Variants in SERTAD2 observed in about 807,000 individuals in gnomAD.
SERTAD2 encodes the protein SERTA domain-containing protein 2.
Under a neutral mutation model 15.4 loss-of-function variants are expected in SERTAD2, and 2 were observed. The observed-to-expected ratio is 0.13, with a 90% confidence interval of 0.05 to 0.41. The LOEUF (loss-of-function observed/expected upper bound fraction) is 0.41, where lower values mean the gene tolerates loss of function less well. SERTAD2 is among the 10% of genes least tolerant of loss of function. The probability of loss-of-function intolerance (pLI) is 0.99; values close to 1 mark genes in which losing one functional copy is unlikely to be tolerated. For synonymous variants in SERTAD2, 180 were observed against 178.0 expected, an observed-to-expected ratio of 1.01 and a Z score of -0.09; for missense variants, 333 against 409.7, an observed-to-expected ratio of 0.81 and a Z score of 1.62.
intron 1 of SERTAD2, among the ~76,000 whole-genome samples, chr2:64,641,979 G>A (rs1048072897): frequency 2.6e-5 from 4 of 152,128 alleles, no homozygotes; most frequent in African/African-American, 4.8e-5. Context: ...ACAAACTTTC[G>A]GGTGATGCTG....
At chr2:64,643,870 AAAAC>A (rs997125200) in intron 1 of SERTAD2, among the ~76,000 whole-genome samples, 6 of 48,966 alleles carry the variant, frequency 1.2e-4, no homozygotes, top group Non-Finnish European at 2.5e-4. Context: ...CGTCTCCAAA[AAAAC>A]AAAACAAAAC....
rs1485719430 is a variant in SERTAD2, at chr2:64,633,822, A to G, written c.*2105T>C. ...TGATCAGTTTCTCACTGCTCTACTG[A>G]GCTGATAATTAGCCTTTAAAACACA... On this transcript the variant is annotated 3_prime_UTR_variant, in exon 2 of 2. Transcript: ENST00000313349. 6.6e-6 allele frequency: 1 copy of G among 152,308 alleles called. No individual in the cohort carries two copies. Among genetic ancestry groups the G allele is most frequent in the Non-Finnish European group, 1.5e-5 (1 of 68,046 alleles). 9.4% of individuals were successfully genotyped at this position (152,308 alleles called of 1,614,324 possible).
rs1674554991 is a variant in SERTAD2 at position 64,632,476 on chromosome 2, C to T, written c.*3451G>A. 1 of 152,544 alleles carries T rather than the reference C, an allele frequency of 6.6e-6. No individual in the cohort carries two copies. Among genetic ancestry groups the T allele is most frequent in the Non-Finnish European group, 1.5e-5 (1 of 68,030 alleles). The allele number at this position is 152,544 out of a possible 1,614,324, so 9.4% of individuals were successfully genotyped here. A position where few individuals can be genotyped will look rare whatever the true frequency, so the allele number is the denominator to read the frequency against. On this transcript the variant is annotated 3_prime_UTR_variant, in exon 2 of 2. Transcript: ENST00000313349. Reference sequence around the variant, plus strand: ...AAAAAGCTCAATTGGTAAAGACACTCGAGAGGTGCAGAGGAGGCTCTGGCC... The same window carrying T: ...AAAAAGCTCAATTGGTAAAGACACTTGAGAGGTGCAGAGGAGGCTCTGGCC...
Position 64,633,121 on chromosome 2 carries a change from G to C in SERTAD2, c.*2806C>G, listed in dbSNP as rs1040371999. ...TGGAGATCCCACTCCAGCTCCTACT[G>C]TTCCCTGTTGGGACATCACTTTGTA... On this transcript the variant is annotated 3_prime_UTR_variant, in exon 2 of 2. Transcript: ENST00000313349. 2.0e-5 allele frequency: 3 copies of C among 152,308 alleles called. No individual in the cohort carries two copies. Among genetic ancestry groups the C allele is most frequent in the Non-Finnish European group, 4.4e-5 (3 of 68,046 alleles). The allele number at this position is 152,308 out of a possible 1,614,324, so 9.4% of individuals were successfully genotyped here. A position where few individuals can be genotyped will look rare whatever the true frequency, so the allele number is the denominator to read the frequency against.
At chr2:64,653,403 C>T (rs1426599631) in intron 1 of SERTAD2, among the ~76,000 whole-genome samples, 1 of 151,824 alleles carries the variant, frequency 6.6e-6, no homozygotes, top group African/African-American at 2.4e-5. Flanking sequence ...CCCGCAGGCG[C>T]CGGGGGTCCG....
At chr2:64,648,545 T>C (rs1169526784) in intron 1 of SERTAD2, among the ~76,000 whole-genome samples, 1 of 152,190 alleles carries the variant, frequency 6.6e-6, no homozygotes, top group East Asian at 1.9e-4. Context: ...TTAAATACAA[T>C]AAAAATAATC....
Position 64,635,987 on chromosome 2 carries a change from C to A in SERTAD2, c.885G>T (p.Gln295His). 1 of 1,614,120 alleles carries A rather than the reference C, an allele frequency of 6.2e-7. No homozygotes were observed. The highest frequency in any genetic ancestry group is 8.5e-7 in the Non-Finnish European group (1 of 1,180,014). ...PYSSQPVTPS[Q>H]PFKMDLTELD... The stretch of plus-strand genomic sequence containing the variant: ...GCTCTGTGAGGTCCATTTTGAAAGG[C>A]TGACTTGGGGTGACAGGCTGACTGC... The change falls in exon 2 of 2, where the codon CAG (glutamine) becomes CAT (histidine). Residue 295 changes from glutamine to histidine, a missense_variant. This residue lies in a region of SERTAD2 where 332 missense variants were observed against 392.9 expected (regional missense o/e 0.84). Transcript: ENST00000313349.
Position 64,636,671 on chromosome 2 carries a change from G to A in SERTAD2, c.201C>T (p.Asn67=). The A allele has an allele frequency of 6.2e-7, 1 of 1,614,168 alleles. No individual in the cohort carries two copies. Among genetic ancestry groups the A allele is most frequent in the Non-Finnish European group, 8.5e-7 (1 of 1,180,022 alleles). Reference sequence around the variant, plus strand: ...GTTCCTCCTGGATCCGCCTCAACATGTTGTTAATTAAAACGGTCTTTTGCA... The same window carrying A: ...GTTCCTCCTGGATCCGCCTCAACATATTGTTAATTAAAACGGTCTTTTGCA... The part of the protein sequence containing the change: ...PSLQKTVLIN[N]MLRRIQEELK... Residue 67 remains asparagine, a synonymous_variant, in exon 2 of 2, where the codon AAC becomes AAT. Coordinates refer to ENST00000313349, the MANE Select transcript of SERTAD2 (RefSeq NM_014755.3).
chr2:64,636,485 G>C lies in SERTAD2; in HGVS notation c.387C>G (p.Cys129Trp), dbSNP rs1288456148. 1 of 1,613,518 alleles carries C rather than the reference G, an allele frequency of 6.2e-7. No individual in the cohort carries two copies. Among genetic ancestry groups the C allele is most frequent in the African/African-American group, 1.3e-5 (1 of 74,908 alleles). ...DLGSTTPLEACLTPASLLEDD... is the reference protein window; with the variant it reads ...DLGSTTPLEAWLTPASLLEDD... ...CCTCGAGCAGTGAGGCCGGGGTGAG[G>C]CAGGCCTCCAGGGGCGTAGTGCTTC... Residue 129 changes from cysteine to tryptophan, a missense_variant, in exon 2 of 2, where the codon TGC (cysteine) becomes TGG (tryptophan). Around this residue, in one of 2 missense-constraint regions of SERTAD2, gnomAD observed 332 missense variants for 392.9 expected, o/e 0.84. Transcript: ENST00000313349.
In SERTAD2 at chr2:64,636,818, T is replaced by C. The variant is rs1674672596; in HGVS notation, c.54A>G (p.Glu18=). 1 of 1,614,190 alleles carries C rather than the reference T, an allele frequency of 6.2e-7. No individual in the cohort carries two copies. Among genetic ancestry groups the C allele is most frequent in the African/African-American group, 1.3e-5 (1 of 75,044 alleles). Residue 18 remains glutamate (E), a synonymous_variant, in exon 2 of 2, where the codon GAA becomes GAG. Transcript: ENST00000313349. ...CGTCACAGGGAGACACGATTTTGCCTTCCAGCCCATCTTCATGCTCATCAA... is the reference window on the plus strand; with the variant it reads ...CGTCACAGGGAGACACGATTTTGCCCTCCAGCCCATCTTCATGCTCATCAA... ...RKFDEHEDGL[E]GKIVSPCDGP...
chr2:64,643,810 G>C (rs918570574), intron 1 of SERTAD2, among the ~76,000 whole-genome samples: 1 of 152,154 alleles, frequency 6.6e-6, no homozygotes, highest in Non-Finnish European at 1.5e-5. Flanking sequence ...AGTTTGCAGT[G>C]AGCCGAGATC....
intron 1 of SERTAD2, chr2:64,646,807 GAACA>G (rs1474243519): frequency 6.6e-6 from 1 of 152,170 alleles, no homozygotes; most frequent in Non-Finnish European, 1.5e-5. Flanking sequence ...CCTGAAATGA[GAACA>G]AACACACAAC....
intron 1 of SERTAD2, among the ~76,000 whole-genome samples, chr2:64,638,466 TA>T (rs1179178641): frequency 6.6e-6 from 1 of 152,240 alleles, no homozygotes; most frequent in Non-Finnish European, 1.5e-5. Context: ...TTCTTTCTCA[TA>T]CTTTGTCACA....
chr2:64,648,045 C>T (rs1021397851), intron 1 of SERTAD2, among the ~76,000 whole-genome samples: 2 of 152,162 alleles, frequency 1.3e-5, no homozygotes, highest in Non-Finnish European at 2.9e-5. Flanking sequence ...AATGTTGTTT[C>T]TTTTACTTAC....
Position 64,635,808 on chromosome 2 carries a change from G to A in SERTAD2, c.*119C>T, listed in dbSNP as rs1674644106. The stretch of plus-strand genomic sequence containing the variant: ...AAGCAAAAACTAGTGTGATCCTGTT[G>A]TAAAATTTTCTTTTTCTCTGAAAAA... On this transcript the variant is annotated 3_prime_UTR_variant, in exon 2 of 2. Transcript: ENST00000313349. The A allele has an allele frequency of 5.1e-6, 4 of 776,852 alleles. No homozygotes were observed. The highest frequency in any genetic ancestry group is 6.3e-6 in the Non-Finnish European group (3 of 476,388). The allele number at this position is 776,852 out of a possible 1,614,324, so 48.1% of individuals were successfully genotyped here. A position where few individuals can be genotyped will look rare whatever the true frequency, so the allele number is the denominator to read the frequency against.
chr2:64,649,091 G>A (rs1160783147), intron 1 of SERTAD2, among the ~76,000 whole-genome samples: 1 of 152,190 alleles, frequency 6.6e-6, no homozygotes, highest in Non-Finnish European at 1.5e-5. Context: ...ACCACACAGG[G>A]AAGATCAGTT....
At position 64,636,803 on chromosome 2, in the gene SERTAD2, A is replaced by G. The variant is rs1674672167; in HGVS notation, c.69T>C (p.Ser23=). The change falls in exon 2 of 2, where the codon TCT becomes TCC. Residue 23 remains serine (S), a synonymous_variant. Coordinates refer to ENST00000313349, the MANE Select transcript of SERTAD2 (RefSeq NM_014755.3). ...HEDGLEGKIV[S]PCDGPSKVSY... is the part of the protein sequence containing the mutation. ...ACACCTTGGATGGACCGTCACAGGGAGACACGATTTTGCCTTCCAGCCCAT... is the reference window on the plus strand; with the variant it reads ...ACACCTTGGATGGACCGTCACAGGGGGACACGATTTTGCCTTCCAGCCCAT... 1.2e-6 allele frequency: 2 copies of G among 1,614,064 alleles called. No homozygotes were observed. Among genetic ancestry groups the G allele is most frequent in the Non-Finnish European group, 1.7e-6 (2 of 1,179,974 alleles).
intron 1 of SERTAD2, among the ~76,000 whole-genome samples, chr2:64,649,237 G>A (rs1005831387): frequency 6.6e-6 from 1 of 152,202 alleles, no homozygotes; most frequent in Non-Finnish European, 1.5e-5. Flanking sequence ...CAAGGGTGGG[G>A]TACACCAGCA....
At chr2:64,648,328 C>G (rs1052485060) in intron 1 of SERTAD2, among the ~76,000 whole-genome samples, 1 of 152,082 alleles carries the variant, frequency 6.6e-6, no homozygotes, top group Admixed American at 6.5e-5. Flanking sequence ...TATCATATAC[C>G]TGAATAATTC....
Sources: gnomAD v4.1 joint callset for allele counts (sites outside exome capture counted in the v4.1 genomes callset) on GRCh38, gnomAD v4.1.1 for gene constraint, gnomAD v4.1.1 regional missense constraint, MANE v1.5 for transcripts, NCBI Gene and HGNC (gene_info 2026-07-23, HGNC 2026-07-21) for gene names.